Variants in NF1 observed in about 807,000 individuals in gnomAD.
The protein encoded by NF1 is neurofibromin.
NF1 carries 122 observed loss-of-function variants against 325.7 expected under a neutral mutation model. The observed-to-expected ratio is 0.37, with a 90% CI of 0.32 to 0.44. The LOEUF (loss-of-function observed/expected upper bound fraction) is 0.44, where lower values mean the gene tolerates loss of function less well. NF1 is among the 20% of genes least tolerant of loss of function. The pLI, the probability that NF1 is intolerant of heterozygous loss-of-function variation, is 1.00. For missense variants in NF1, 2,140 were observed against 3,415.4 expected (o/e 0.63, Z 9.31); for synonymous variants, 1,091 against 1,186.0 (o/e 0.92, Z 1.65).
chr17:31,181,240 G>T (rs377309135), intron 5 of NF1, among the ~76,000 whole-genome samples, 182 bp from the exon 6 acceptor site: 2 of 152,116 alleles, frequency 1.3e-5, no homozygotes, highest in South Asian at 4.2e-4. Flanking sequence ...GCTGTTTATG[G>T]AATTTTTCTT....
chr17:31,176,212 A>G (rs568114796), intron 5 of NF1, among the ~76,000 whole-genome samples: 84 of 152,318 alleles, frequency 5.5e-4, no homozygotes, highest in Non-Finnish European at 1.0e-3. Flanking sequence ...AATGATCGCC[A>G]TTCTTACTGG....
In NF1 at chr17:31,327,723, G is replaced by C. The variant is rs2069382585; in HGVS notation, c.5493G>C (p.Trp1831Cys). 6.2e-7 allele frequency: 1 copy of C among 1,614,088 alleles called. No homozygotes were observed. The highest frequency in any genetic ancestry group is 1.3e-5 in the African/African-American group (1 of 75,000). Reference sequence around the variant, plus strand: ...CTATCATTCATATCCGGACCCGCTGGGAACTGTCACAGCCCGACTCTATCC... The same window carrying C: ...CTATCATTCATATCCGGACCCGCTGCGAACTGTCACAGCCCGACTCTATCC... ...VQSIIHIRTR[W>C]ELSQPDSIPQ... is the part of the protein sequence containing the mutation. The change falls in exon 38 of 58, where the codon TGG becomes TGC. Residue 1831 changes from tryptophan to cysteine, a missense_variant. Physicochemically the swap from Trp to Cys is radical, Grantham distance 215. Around this residue, in one of 10 missense-constraint regions of NF1, gnomAD observed 147 missense variants for 186.7 expected, o/e 0.79. Transcript: ENST00000358273.
chr17:31,147,173 G>A (rs1323945269), intron 1 of NF1, among the ~76,000 whole-genome samples: 1 of 152,202 alleles, frequency 6.6e-6, no homozygotes, highest in Non-Finnish European at 1.5e-5. Flanking sequence ...AGTGTAACCA[G>A]TATCCAGATC....
intron 50 of NF1, among the ~76,000 whole-genome samples, chr17:31,351,784 C>A (rs959059855): frequency 6.6e-6 from 1 of 152,090 alleles, no homozygotes; most frequent in South Asian, 2.1e-4. Flanking sequence ...GCAGGCCGCA[C>A]GCAGCCCAGG....
Position 31,356,485 on chromosome 17 carries a change from G to C in NF1, c.7641G>C (p.Leu2547Phe), listed in dbSNP as rs2151581063. ...LLGTRKSFDH[L>F]ISDTKAPKRQ... ...GAACAAGGAAAAGTTTTGATCACTT[G>C]ATATCAGACACAAAGGCTCCTAAAA... The change falls in exon 52 of 58, where the codon TTG (leucine) becomes TTC (phenylalanine). Residue 2547 changes from leucine (L) to phenylalanine (F), a missense_variant. Leu to Phe is a conservative substitution (Grantham distance 22). Around this residue, in one of 10 missense-constraint regions of NF1, gnomAD observed 522 missense variants for 749.0 expected, o/e 0.70. Coordinates refer to ENST00000358273, the MANE Select transcript of NF1 (RefSeq NM_001042492.3). 6.2e-7 allele frequency: 1 copy of C among 1,613,622 alleles called. No individual in the cohort carries two copies. Among genetic ancestry groups the C allele is most frequent in the Non-Finnish European group, 8.5e-7 (1 of 1,179,688 alleles).
intron 15 of NF1, chr17:31,222,673 G>A (rs1443242839): frequency 2.8e-5 from 8 of 283,282 alleles, no homozygotes; most frequent in Non-Finnish European, 4.4e-5. Flanking sequence ...TGTTTAACCC[G>A]GTGTATATTA....
chr17:31,195,224 T>C (rs1196211162), intron 8 of NF1, among the ~76,000 whole-genome samples: 1 of 152,118 alleles, frequency 6.6e-6, no homozygotes, highest in Non-Finnish European at 1.5e-5. Flanking sequence ...TGACCTTCAG[T>C]TTATACTTTT....
At chr17:31,120,710 T>C (rs560398211) in intron 1 of NF1, among the ~76,000 whole-genome samples, 1 of 152,036 alleles carries the variant, frequency 6.6e-6, no homozygotes, top group East Asian at 1.9e-4. Flanking sequence ...GCTTCCAGTT[T>C]TTGCCCATTC....
At position 31,337,428 on chromosome 17, in the gene NF1, T is replaced by C. The variant is rs1353492847; in HGVS notation, c.6488T>C (p.Leu2163Ser). 6.2e-7 allele frequency: 1 copy of C among 1,614,172 alleles called. No individual in the cohort carries two copies. The highest frequency in any genetic ancestry group is 8.5e-7 in the Non-Finnish European group (1 of 1,179,992). ...LTEFSLPKFY[L>S]LFGISKVKSA... ...GAGTTCTCATTACCCAAATTTTACT[T>C]GCTGTTTGGCATTAGCAAAGTCAAG... The change falls in exon 43 of 58, where the codon TTG becomes TCG. Residue 2163 changes from leucine (L) to serine (S), a missense_variant. Leu to Ser is a moderately radical substitution (Grantham distance 145). Transcript: ENST00000358273.
chr17:31,182,490 A>G lies in NF1; in HGVS notation c.731-18A>G. The G allele has an allele frequency of 1.2e-6, 2 of 1,612,964 alleles. No homozygotes were observed. Among genetic ancestry groups the G allele is most frequent in the Non-Finnish European group, 1.7e-6 (2 of 1,179,108 alleles). On this transcript the variant is annotated intron_variant, in intron 7 of 57. Transcript: ENST00000358273. ...TTGTTCCTATCTAATAATGTCATTT[A>G]ATATATTTTTCATGCAGAATGTGCA...
intron 27 of NF1, among the ~76,000 whole-genome samples, chr17:31,233,866 C>T (rs899781715): frequency 6.6e-6 from 1 of 152,154 alleles, no homozygotes; most frequent in African/African-American, 2.4e-5. Context: ...TGTTAACAAG[C>T]CTGTATTTGT....
intron 29 of NF1, among the ~76,000 whole-genome samples, chr17:31,237,032 T>C (rs2067215609): frequency 6.6e-6 from 1 of 152,234 alleles, no homozygotes; most frequent in South Asian, 2.1e-4. Context: ...GCTTGCTTTT[T>C]CTAAGCCACA....
chr17:31,213,862 C>T (rs1475756753), intron 12 of NF1, among the ~76,000 whole-genome samples: 1 of 152,090 alleles, frequency 6.6e-6, no homozygotes, highest in East Asian at 1.9e-4. Flanking sequence ...CTAGTAAATA[C>T]AAAGATTGCC....
intron 51 of NF1, among the ~76,000 whole-genome samples, chr17:31,353,208 C>T (rs1369862624): frequency 1.3e-5 from 2 of 152,108 alleles, no homozygotes; most frequent in East Asian, 1.9e-4. Flanking sequence ...CATGCCCGGC[C>T]GGAAGATAGG....
At chr17:31,292,737 A>T (rs1223497860) in intron 36 of NF1, among the ~76,000 whole-genome samples, 2 of 152,214 alleles carry the variant, frequency 1.3e-5, no homozygotes, top group Admixed American at 6.5e-5. Flanking sequence ...TGCATTTTGC[A>T]GACATGTCTG....
intron 5 of NF1, among the ~76,000 whole-genome samples, chr17:31,180,926 A>G (rs1484506779): frequency 6.6e-6 from 1 of 152,208 alleles, no homozygotes; most frequent in Admixed American, 6.5e-5. Context: ...ATGTGCAAAA[A>G]TCACAAGCAT....
chr17:31,340,479 A>G (rs1483769236), intron 46 of NF1, 26 bp from the exon 47 acceptor site: 2 of 1,614,014 alleles, frequency 1.2e-6, no homozygotes, highest in East Asian at 2.2e-5. Context: ...TCATCTTACT[A>G]GCCTCAAACA....
chr17:31,147,872 C>T (rs546152556), intron 1 of NF1, among the ~76,000 whole-genome samples: 2 of 152,328 alleles, frequency 1.3e-5, no homozygotes, highest in South Asian at 2.1e-4. Flanking sequence ...TTGAGATTCC[C>T]TCACGTCTTC....
chr17:31,219,159 G>C, intron 14 of NF1, 41 bp downstream of exon 14: 1 of 1,575,140 alleles, frequency 6.3e-7, no homozygotes, highest in Non-Finnish European at 8.7e-7. Flanking sequence ...AGGAAAGATT[G>C]TAACTATGTA....
Sources: allele counts gnomAD v4.1 joint callset (sites outside exome capture counted in the v4.1 genomes callset), GRCh38; gene constraint gnomAD v4.1.1; regional missense constraint gnomAD v4.1.1; transcripts MANE v1.5; gene names NCBI Gene and HGNC (gene_info 2026-07-23, HGNC 2026-07-21).